SEMA5B: variants seen among roughly 807,000 people sequenced by gnomAD.
SEMA5B encodes the protein semaphorin 5B.
Under a neutral mutation model 135.0 loss-of-function variants are expected in SEMA5B, and 66 were observed. The ratio of observed to expected loss-of-function variants is 0.49; its 90% CI spans 0.40 to 0.60. The LOEUF is 0.60. Among genes scored for constraint, SEMA5B ranks in the 20% least tolerant of loss-of-function variants. The pLI is 0.00. For synonymous variants in SEMA5B, 690 were observed against 639.5 expected (o/e 1.08, Z -1.19); for missense variants, 1,501 against 1,566.3 (o/e 0.96, Z 0.70).
intron 2 of SEMA5B, among the ~76,000 whole-genome samples, chr3:122,957,313 G>A: frequency 6.6e-6 from 1 of 152,222 alleles, no homozygotes; most frequent in East Asian, 1.9e-4. Context: ...CACCCAGAAT[G>A]CAGCTGGATC....
intron 1 of SEMA5B, among the ~76,000 whole-genome samples, chr3:122,963,286 C>G (rs535044036): frequency 6.6e-6 from 1 of 152,224 alleles, no homozygotes; most frequent in Non-Finnish European, 1.5e-5. Flanking sequence ...CACTTGAGAT[C>G]AGGAGTTCGA....
intron 1 of SEMA5B, among the ~76,000 whole-genome samples, chr3:122,986,400 T>A (rs1384701330): frequency 6.6e-6 from 1 of 152,196 alleles, no homozygotes; most frequent in Non-Finnish European, 1.5e-5. Context: ...AGACATGAGA[T>A]CTTCTGAAAA....
intron 1 of SEMA5B, among the ~76,000 whole-genome samples, chr3:123,025,844 C>A (rs540710332): frequency 6.6e-6 from 1 of 152,338 alleles, no homozygotes; most frequent in East Asian, 1.9e-4. Flanking sequence ...CGTTGAAAAT[C>A]TAGACTTCGG....
chr3:122,954,740 T>A (rs1940204852), intron 2 of SEMA5B, among the ~76,000 whole-genome samples: 1 of 151,678 alleles, frequency 6.6e-6, no homozygotes. Context: ...ATCAAGTCAG[T>A]CTTTGCAGGG....
chr3:122,949,493 A>T (rs1193290321), intron 2 of SEMA5B, among the ~76,000 whole-genome samples: 1 of 152,260 alleles, frequency 6.6e-6, no homozygotes, highest in Non-Finnish European at 1.5e-5. Context: ...GGCCAAGCTA[A>T]CTGTGGAAGG....
chr3:122,995,636 C>T (rs1168572682), intron 1 of SEMA5B, among the ~76,000 whole-genome samples: 1 of 146,904 alleles, frequency 6.8e-6, no homozygotes, highest in African/African-American at 2.7e-5. Flanking sequence ...GAAGGGATGG[C>T]CATAAATGCT....
intron 2 of SEMA5B, among the ~76,000 whole-genome samples, chr3:122,954,708 T>TA (rs561277080): frequency 1.6e-4 from 25 of 151,968 alleles, no homozygotes; most frequent in Non-Finnish European, 3.4e-4. Context: ...CCTTTAGCCA[T>TA]ATGCTAAGGA....
intron 4 of SEMA5B, among the ~76,000 whole-genome samples, chr3:122,940,167 C>T (rs968200165): frequency 6.6e-6 from 1 of 152,198 alleles, no homozygotes; most frequent in Non-Finnish European, 1.5e-5. Context: ...AAACAGTTTT[C>T]ACCTTCAGTA....
At chr3:123,012,818 C>T (rs1047268586) in intron 1 of SEMA5B, among the ~76,000 whole-genome samples, 2 of 152,192 alleles carry the variant, frequency 1.3e-5, no homozygotes, top group African/African-American at 4.8e-5. Context: ...CCAGGCCACA[C>T]CAGAATTGCC....
At chr3:122,935,686 C>CTTTCTTTTTTTT (rs1939233868) in intron 5 of SEMA5B, among the ~76,000 whole-genome samples, 2 of 70,260 alleles carry the variant, frequency 2.8e-5, no homozygotes, top group African/African-American at 5.7e-5. Context: ...TTCTTTCTTT[C>CTTTCTTTTTTTT]TTTTTTTTTT....
Position 122,912,309 on chromosome 3 carries a change from G to A in SEMA5B, c.2759C>T (p.Ser920Phe), listed in dbSNP as rs762938737. ...RGAWSCWTSW[S>F]PCSASCGGGH... ...CCCACCACAGGAAGCTGAGCATGGA[G>A]ACCATGAGGTCCAGCAGGACCAAGC... Residue 920 changes from serine (S) to phenylalanine (F), a missense_variant, in exon 19 of 23, where the codon TCT (serine) becomes TTT (phenylalanine). By Grantham distance (155) the Ser-to-Phe change is radical (BLOSUM62 -2). Around this residue, in one of 2 missense-constraint regions of SEMA5B, gnomAD observed 927 missense variants for 881.6 expected, o/e 1.05. Transcript: ENST00000357599. The A allele has an allele frequency of 1.2e-6, 2 of 1,610,452 alleles. No homozygotes were observed. The highest frequency in any genetic ancestry group is 1.7e-6 in the Non-Finnish European group (2 of 1,178,290).
rs565167382 is a variant in SEMA5B at position 122,915,967 on chromosome 3, C to T, written c.1689-77G>A. On this transcript the variant is annotated intron_variant, in intron 12 of 22. Coordinates refer to ENST00000357599, the MANE Select transcript of SEMA5B (RefSeq NM_001031702.4). The stretch of plus-strand genomic sequence containing the variant: ...TGCATCTCAGGAACACACGTGAACA[C>T]TCCCCTCTGTGCACCACTTTCCATC... 4.8e-6 allele frequency: 5 copies of T among 1,046,968 alleles called. No homozygotes were observed. The Admixed American group carries it at 6.9e-5, about 14-fold the overall frequency. The allele number at this position is 1,046,968 out of a possible 1,614,324, so 64.9% of individuals were successfully genotyped here.
chr3:122,942,648 T>C (rs1324011330), intron 4 of SEMA5B, among the ~76,000 whole-genome samples: 1 of 152,154 alleles, frequency 6.6e-6, no homozygotes, highest in Non-Finnish European at 1.5e-5. Flanking sequence ...ATAAGGACGG[T>C]TGGATGACAC....
rs536543918 is a variant in SEMA5B at position 122,910,538 on chromosome 3, G to A, written c.3298-237C>T. ...TACAAGAAGGCTCCCGGCCGGGCGC[G>A]GTGGCTCACGCCTGTAATCCCAGCA... is the stretch of plus-strand genomic sequence containing the variant. On this transcript the variant is annotated intron_variant, in intron 22 of 22. Transcript: ENST00000357599. Among the ~76,000 whole-genome samples the A allele has an allele frequency of 1.1e-4, 16 of 152,194 alleles. No individual in the cohort carries two copies. In the South Asian group the frequency reaches 2.9e-3, roughly 28 times the overall value.
At chr3:122,920,694 G>A (rs1404203820) in intron 12 of SEMA5B, among the ~76,000 whole-genome samples, 3 of 152,174 alleles carry the variant, frequency 2.0e-5, no homozygotes, top group Non-Finnish European at 4.4e-5. Flanking sequence ...AGATCATACG[G>A]TTAGTAGATG....
chr3:122,979,850 T>G (rs1382677026), intron 1 of SEMA5B, among the ~76,000 whole-genome samples: 1 of 152,236 alleles, frequency 6.6e-6, no homozygotes, highest in East Asian at 1.9e-4. Flanking sequence ...AACAGCGCCT[T>G]AGATTTACTG....
In SEMA5B at chr3:122,948,575, C is replaced by T; in HGVS notation, c.259G>A (p.Val87Ile). ...TGCTCACTGCTGGGCTCACTGGAGA[C>T]ATCCTGGGAGCTGGAGAGGTGGGAC... ...LVSHLSSSQD[V>I]SSEPSSEQQL... Residue 87 changes from valine to isoleucine, a missense_variant, in exon 3 of 23, where the codon GTC becomes ATC. By Grantham distance (29) the Val-to-Ile change is conservative. Coordinates refer to ENST00000357599, the MANE Select transcript of SEMA5B (RefSeq NM_001031702.4). 6.2e-7 allele frequency: 1 copy of T among 1,613,932 alleles called. No homozygotes were observed. The highest frequency in any genetic ancestry group is 8.5e-7 in the Non-Finnish European group (1 of 1,179,888).
intron 4 of SEMA5B, among the ~76,000 whole-genome samples, chr3:122,941,967 A>G (rs899624478): frequency 6.6e-6 from 1 of 152,202 alleles, no homozygotes; most frequent in Non-Finnish European, 1.5e-5. Flanking sequence ...ATCCTCCTGT[A>G]TAGTTGCATA....
At chr3:123,021,843 C>T (rs1479911767) in intron 1 of SEMA5B, among the ~76,000 whole-genome samples, 2 of 152,166 alleles carry the variant, frequency 1.3e-5, no homozygotes, top group Non-Finnish European at 2.9e-5. Flanking sequence ...CACATGTATG[C>T]CTCAATATAC....
Sources: gnomAD v4.1 joint callset for allele counts (sites outside exome capture counted in the v4.1 genomes callset) on GRCh38, gnomAD v4.1.1 for gene constraint, gnomAD v4.1.1 regional missense constraint, MANE v1.5 for transcripts, NCBI Gene and HGNC (gene_info 2026-07-23, HGNC 2026-07-21) for gene names.